Variants in RARB observed in about 807,000 individuals in gnomAD.
RARB encodes HBV-activated protein.
In RARB, 17 loss-of-function variants were observed where a neutral mutation model predicts 51.9. The ratio of observed to expected loss-of-function variants is 0.33; its 90% CI spans 0.22 to 0.49. The LOEUF (loss-of-function observed/expected upper bound fraction) is 0.49, where lower values mean the gene tolerates loss of function less well. Among genes scored for constraint, RARB ranks in the 20% least tolerant of loss-of-function variants. The probability of loss-of-function intolerance (pLI) is 0.99; values close to 1 mark genes in which losing one functional copy is unlikely to be tolerated. For synonymous variants in RARB, 215 were observed against 195.4 expected (o/e 1.10, Z -0.84); for missense variants, 369 against 550.8 (o/e 0.67, Z 3.30).
intron 2 of RARB, among the ~76,000 whole-genome samples, chr3:25,472,845 A>C (rs762655485): frequency 6.6e-6 from 1 of 152,204 alleles, no homozygotes; most frequent in Non-Finnish European, 1.5e-5. Flanking sequence ...GTGTCATCAC[A>C]CAAGGCAAAG....
chr3:25,470,663 AG>A (rs1215822204), intron 2 of RARB, among the ~76,000 whole-genome samples: 4 of 152,252 alleles, frequency 2.6e-5, no homozygotes, highest in Non-Finnish European at 5.9e-5. Flanking sequence ...ATAAACAACT[AG>A]GGATCCATAG....
At chr3:25,223,011 T>C (rs1463201347) in intron 5 of RARB, among the ~76,000 whole-genome samples, 1 of 152,230 alleles carries the variant, frequency 6.6e-6, no homozygotes, top group Admixed American at 6.5e-5. Flanking sequence ...AATAATATAT[T>C]ATTTTTTAGC....
intron 2 of RARB, among the ~76,000 whole-genome samples, chr3:25,461,568 A>G (rs1430518600): frequency 6.6e-6 from 1 of 152,180 alleles, no homozygotes; most frequent in African/African-American, 2.4e-5. Context: ...AGGCCCTTAA[A>G]TTACCCCCAC....
At chr3:25,027,145 C>G (rs985433046) in intron 2 of RARB, among the ~76,000 whole-genome samples, 7 of 152,078 alleles carry the variant, frequency 4.6e-5, no homozygotes, top group Non-Finnish European at 1.0e-4. Context: ...GAATAACTTA[C>G]TCAGAAACTA....
At chr3:24,997,604 C>T (rs112087688) in intron 2 of RARB, among the ~76,000 whole-genome samples, 2,347 of 152,116 alleles carry the variant, frequency 0.015, 57 homozygotes, top group East Asian at 0.12. Context: ...AGGCTGGTCT[C>T]GAATTCTTGA....
intron 5 of RARB, among the ~76,000 whole-genome samples, chr3:25,398,558 G>A (rs1420512205): frequency 6.6e-6 from 1 of 152,148 alleles, no homozygotes. Context: ...CAATGGGAGA[G>A]ATGACAGTTT....
intron 2 of RARB, among the ~76,000 whole-genome samples, chr3:25,014,571 T>C (rs563804082): frequency 6.6e-6 from 1 of 152,250 alleles, no homozygotes; most frequent in South Asian, 2.1e-4. Context: ...TGAGTAAGTG[T>C]AGCCAATGTC....
chr3:25,517,596 GA>G (rs1698221905), intron 3 of RARB, among the ~76,000 whole-genome samples: 1 of 152,102 alleles, frequency 6.6e-6, no homozygotes, highest in Non-Finnish European at 1.5e-5. Flanking sequence ...AGTTCCTCAA[GA>G]ACTTAAACAG....
At chr3:25,367,817 C>CAAAAAAAAAAAAAA (rs369165017) in intron 5 of RARB, among the ~76,000 whole-genome samples, 2 of 125,574 alleles carry the variant, frequency 1.6e-5, no homozygotes, top group East Asian at 2.3e-4. Flanking sequence ...AAAAAACAAG[C>CAAAAAAAAAAAAAA]AAAAAAAAAA....
chr3:24,851,156 C>T (rs1266159209), intron 1 of RARB, among the ~76,000 whole-genome samples: 1 of 152,024 alleles, frequency 6.6e-6, no homozygotes, highest in African/African-American at 2.4e-5. Context: ...GTGGCCAGGC[C>T]TGGTTTGGTG....
At chr3:25,162,068 G>A (rs1209069005) in intron 4 of RARB, among the ~76,000 whole-genome samples, 1 of 152,080 alleles carries the variant, frequency 6.6e-6, no homozygotes, top group Non-Finnish European at 1.5e-5. Context: ...ATGGGTGTGT[G>A]GGTTGGTTTG....
chr3:25,354,178 T>C (rs1705660673), intron 5 of RARB, among the ~76,000 whole-genome samples: 1 of 152,068 alleles, frequency 6.6e-6, no homozygotes, highest in African/African-American at 2.4e-5. Flanking sequence ...CCCTCCAAAC[T>C]GCCTGGCGGT....
chr3:25,039,176 A>G (rs991304431), intron 2 of RARB, among the ~76,000 whole-genome samples: 1 of 152,228 alleles, frequency 6.6e-6, no homozygotes, highest in Non-Finnish European at 1.5e-5. Flanking sequence ...CCTATTTCAT[A>G]CACTCTGCAT....
intron 5 of RARB, among the ~76,000 whole-genome samples, chr3:25,379,589 T>C (rs1706565798): frequency 6.6e-6 from 1 of 152,190 alleles, no homozygotes; most frequent in South Asian, 2.1e-4. Flanking sequence ...CTTAATGCAG[T>C]CAGAGTTGTC....
At chr3:25,190,731 C>A (rs1169657395) in intron 5 of RARB, among the ~76,000 whole-genome samples, 1 of 152,142 alleles carries the variant, frequency 6.6e-6, no homozygotes, top group Admixed American at 6.6e-5. Flanking sequence ...CTCCCCACTT[C>A]TAGATTTTTT....
intron 2 of RARB, among the ~76,000 whole-genome samples, chr3:24,869,426 A>G (rs1178259425): frequency 6.6e-6 from 1 of 152,142 alleles, no homozygotes; most frequent in Non-Finnish European, 1.5e-5. Context: ...AAATTAAAAC[A>G]CTTATTTTCT....
chr3:25,035,186 A>T (rs549752204), intron 2 of RARB, among the ~76,000 whole-genome samples: 18 of 152,266 alleles, frequency 1.2e-4, no homozygotes, highest in Admixed American at 3.9e-4. Context: ...CAGTGACACC[A>T]TCTTGGCTCA....
chr3:24,937,390 G>C (rs1393799958), intron 2 of RARB, among the ~76,000 whole-genome samples: 3 of 152,090 alleles, frequency 2.0e-5, no homozygotes, highest in Non-Finnish European at 4.4e-5. Flanking sequence ...GCCAGAACCT[G>C]CCTTGACTCC....
At chr3:25,591,301 A>C (rs1233470982) in intron 5 of RARB, among the ~76,000 whole-genome samples, 2 of 152,166 alleles carry the variant, frequency 1.3e-5, no homozygotes, top group Admixed American at 1.3e-4. Flanking sequence ...ATATAAAACG[A>C]AGTTTCTGTT....
Sources: allele counts gnomAD v4.1 joint callset (sites outside exome capture counted in the v4.1 genomes callset), GRCh38; gene constraint gnomAD v4.1.1; transcripts MANE v1.5; gene names NCBI Gene and HGNC (gene_info 2026-07-23, HGNC 2026-07-21).